PDE4B: variants seen among roughly 807,000 people sequenced by gnomAD.
The protein encoded by PDE4B is 3',5'-cyclic-AMP phosphodiesterase 4B.
Under a neutral mutation model 82.2 loss-of-function variants are expected in PDE4B, and 20 were observed. That is an observed-to-expected ratio of 0.24 (90% confidence interval 0.17 to 0.35). The LOEUF is 0.35. Ranked by LOEUF, PDE4B falls within the 10% of genes least tolerant of loss-of-function variation. PDE4B has a pLI of 1.00. For synonymous variants in PDE4B, 320 were observed against 318.9 expected (o/e 1.00, Z -0.04); for missense variants, 655 against 907.2 (o/e 0.72, Z 3.57).
At chr1:65,908,684 A>C (rs17128118) in intron 1 of PDE4B, among the ~76,000 whole-genome samples, 9 of 152,110 alleles carry the variant, frequency 5.9e-5, no homozygotes, top group African/African-American at 1.9e-4. Context: ...GGGCAAGGGG[A>C]CCTTACCAAC....
intron 7 of PDE4B, 132 bp downstream of exon 7, chr1:66,266,219 C>CT: frequency 1.4e-6 from 1 of 736,774 alleles, no homozygotes; most frequent in Non-Finnish European, 2.4e-6. Context: ...CTCTTGGTGA[C>CT]TTTTTTCTAA....
intron 1 of PDE4B, among the ~76,000 whole-genome samples, chr1:65,869,019 A>G (rs1646544211): frequency 6.6e-6 from 1 of 152,186 alleles, no homozygotes; most frequent in Admixed American, 6.5e-5. Context: ...AATACAGATA[A>G]TCTGGGTCAG....
At chr1:65,835,432 T>A (rs1646129354) in intron 1 of PDE4B, among the ~76,000 whole-genome samples, 1 of 152,058 alleles carries the variant, frequency 6.6e-6, no homozygotes, top group Non-Finnish European at 1.5e-5. Flanking sequence ...AGAGAAAAAA[T>A]TTTAACCCAG....
chr1:66,133,737 C>T (rs1645998919), intron 3 of PDE4B, among the ~76,000 whole-genome samples: 1 of 152,202 alleles, frequency 6.6e-6, no homozygotes, highest in African/African-American at 2.4e-5. Context: ...GAAGCCATCT[C>T]CTTCCTGGTG....
At chr1:66,008,326 T>A (rs1474052503) in intron 3 of PDE4B, among the ~76,000 whole-genome samples, 1 of 152,100 alleles carries the variant, frequency 6.6e-6, no homozygotes, top group Admixed American at 6.6e-5. Context: ...ATTCACTCAT[T>A]CATTCATTCA....
chr1:65,804,095 A>G (rs930127803), intron 1 of PDE4B, among the ~76,000 whole-genome samples: 3 of 152,178 alleles, frequency 2.0e-5, no homozygotes, highest in African/African-American at 7.2e-5. Context: ...TAGGCTTTTT[A>G]GGCATGCTTA....
At chr1:65,815,046 TTTATTTATTTATTTATTTA>T (rs1444352127) in intron 1 of PDE4B, among the ~76,000 whole-genome samples, 252 of 147,576 alleles carry the variant, frequency 1.7e-3, no homozygotes, top group African/African-American at 6.0e-3. Flanking sequence ...TATTTATTTA[TTTATTTATTTATTTATTTA>T]TTATTATTAT....
At chr1:66,065,288 G>T (rs147288163) in intron 3 of PDE4B, among the ~76,000 whole-genome samples, 1 of 151,762 alleles carries the variant, frequency 6.6e-6, no homozygotes, top group Non-Finnish European at 1.5e-5. Context: ...GGTTATTACC[G>T]TATGTCATTG....
chr1:65,917,285 G>A (rs1569670925), intron 2 of PDE4B, among the ~76,000 whole-genome samples: 2 of 152,136 alleles, frequency 1.3e-5, no homozygotes, highest in Admixed American at 1.3e-4. Flanking sequence ...GGAGCGGAGG[G>A]TAAAGAACTT....
chr1:66,088,064 G>A (rs1391151638), intron 3 of PDE4B, among the ~76,000 whole-genome samples: 1 of 151,962 alleles, frequency 6.6e-6, no homozygotes, highest in Admixed American at 6.6e-5. Context: ...CAATAATTCT[G>A]AGACTAGCTG....
At chr1:66,110,763 T>C (rs1026052177) in intron 3 of PDE4B, among the ~76,000 whole-genome samples, 3 of 152,104 alleles carry the variant, frequency 2.0e-5, no homozygotes, top group Non-Finnish European at 2.9e-5. Flanking sequence ...ACTCCTAGTA[T>C]GTAGTAAGCA....
chr1:66,135,568 C>G (rs1646039388), intron 3 of PDE4B, among the ~76,000 whole-genome samples: 1 of 152,072 alleles, frequency 6.6e-6, no homozygotes, highest in Non-Finnish European at 1.5e-5. Context: ...ACTGGGAACA[C>G]ATATAGAGAT....
In PDE4B at chr1:65,988,200, A is replaced by T. The variant is rs531735322; in HGVS notation, c.281+69365A>T. Among the ~76,000 whole-genome samples, 12 of 152,384 alleles carry T rather than the reference A, an allele frequency of 7.9e-5. No individual in the cohort carries two copies. The South Asian group carries it at 2.1e-3, about 26-fold the overall frequency. ...TAGGAATGCAAAAAATGTAAGTTAC[A>T]TCTCTATAATTCTTTTAAAGAGTTG... On this transcript the variant is annotated intron_variant, in intron 3 of 16. Coordinates refer to ENST00000341517, the MANE Select transcript of PDE4B (RefSeq NM_002600.4).
intron 3 of PDE4B, among the ~76,000 whole-genome samples, chr1:66,193,957 T>TC (rs1648049870): frequency 6.6e-6 from 1 of 151,580 alleles, no homozygotes; most frequent in African/African-American, 2.4e-5. Flanking sequence ...AATCTTTTTT[T>TC]TTTTTTTTGG....
At chr1:66,232,576 C>T (rs1262565699) in intron 3 of PDE4B, among the ~76,000 whole-genome samples, 1 of 152,034 alleles carries the variant, frequency 6.6e-6, no homozygotes, top group African/African-American at 2.4e-5. Flanking sequence ...TAAAGCTGAG[C>T]CCAGGGGCCC....
chr1:65,811,105 C>T (rs911483661), intron 1 of PDE4B, among the ~76,000 whole-genome samples: 3 of 152,180 alleles, frequency 2.0e-5, no homozygotes, highest in African/African-American at 7.2e-5. Context: ...TATCAAATAT[C>T]TTTTGTCAGA....
At chr1:65,933,419 G>A (rs535671282) in intron 3 of PDE4B, among the ~76,000 whole-genome samples, 4 of 152,246 alleles carry the variant, frequency 2.6e-5, no homozygotes, top group East Asian at 1.9e-4. Flanking sequence ...GAGGCTGGGC[G>A]CTGTGGCTCA....
chr1:65,950,725 AG>A (rs1232404841), intron 3 of PDE4B, among the ~76,000 whole-genome samples: 1 of 152,038 alleles, frequency 6.6e-6, no homozygotes, highest in Non-Finnish European at 1.5e-5. Context: ...GTATCCACCC[AG>A]GCAAAGTGGC....
At chr1:66,332,345 T>C in intron 7 of PDE4B, 163 bp from the exon 8 acceptor site, 3 of 1,606,490 alleles carry the variant, frequency 1.9e-6, no homozygotes, top group Non-Finnish European at 8.5e-7. Flanking sequence ...TGTGATTTGT[T>C]CTCCTGGTGG....
Sources: gnomAD v4.1 joint callset for allele counts (sites outside exome capture counted in the v4.1 genomes callset) on GRCh38, gnomAD v4.1.1 for gene constraint, MANE v1.5 for transcripts, NCBI Gene and HGNC (gene_info 2026-07-23, HGNC 2026-07-21) for gene names.